The following REDIC1 variants were observed in gnomAD, a reference collection of about 807,000 sequenced individuals.
The protein encoded by REDIC1 is HEI10 Interacting Protein 1.
At chr12:39,865,856 A>G in the REDIC1 span, among the ~76,000 whole-genome samples, 1 of 152,200 alleles carries the variant, frequency 6.6e-6, no homozygotes, top group Non-Finnish European at 1.5e-5. Flanking sequence ...GAAGGGAACA[A>G]CAGACACCAG....
chr12:39,698,245 C>G, the REDIC1 span, among the ~76,000 whole-genome samples: 16 of 152,090 alleles, frequency 1.1e-4, no homozygotes, highest in Admixed American at 1.0e-3. Flanking sequence ...GGTAGTTAGG[C>G]CATGAGTGCT....
At chr12:39,761,442 C>G in the REDIC1 span, among the ~76,000 whole-genome samples, 1 of 151,968 alleles carries the variant, frequency 6.6e-6, no homozygotes, top group Non-Finnish European at 1.5e-5. Flanking sequence ...TGTTATCATG[C>G]CCATTAGAAT....
the REDIC1 span, among the ~76,000 whole-genome samples, chr12:39,711,660 T>C: frequency 7.1e-6 from 1 of 141,296 alleles, no homozygotes; most frequent in Non-Finnish European, 1.6e-5. Context: ...TGTATGTATG[T>C]CTATACACAT....
chr12:39,728,945 C>A, the REDIC1 span, among the ~76,000 whole-genome samples: 1 of 152,002 alleles, frequency 6.6e-6, no homozygotes, highest in Non-Finnish European at 1.5e-5. Context: ...GTTATATCTG[C>A]ATAGAGGTGT....
chr12:39,642,184 T>C, the REDIC1 span, among the ~76,000 whole-genome samples: 1 of 151,838 alleles, frequency 6.6e-6, no homozygotes, highest in Non-Finnish European at 1.5e-5. Context: ...CTTGTCAAGT[T>C]AATCAGTTAG....
chr12:39,654,488 T>A, the REDIC1 span, among the ~76,000 whole-genome samples: 1 of 151,924 alleles, frequency 6.6e-6, no homozygotes, highest in Non-Finnish European at 1.5e-5. Context: ...CTCGGGAGCC[T>A]GAGGCAGGAG....
chr12:39,672,055 G>T, the REDIC1 span, among the ~76,000 whole-genome samples: 1 of 152,014 alleles, frequency 6.6e-6, no homozygotes, highest in African/African-American at 2.4e-5. Flanking sequence ...CAGGACAAGC[G>T]CCAGGACTCT....
chr12:39,896,519 T>TGTACATGTTTGTAA, the REDIC1 span, among the ~76,000 whole-genome samples: 1 of 139,964 alleles, frequency 7.1e-6, no homozygotes, highest in Non-Finnish European at 1.6e-5. Context: ...CATGTGTGTA[T>TGTACATGTTTGTAA]ACATGTATAC....
At chr12:39,858,315 G>A in the REDIC1 span, among the ~76,000 whole-genome samples, 1 of 151,832 alleles carries the variant, frequency 6.6e-6, no homozygotes, top group East Asian at 1.9e-4. Context: ...ATCTCCAATG[G>A]GTCTGTAGAT....
chr12:39,810,040 G>T, the REDIC1 span, among the ~76,000 whole-genome samples: 408 of 152,176 alleles, frequency 2.7e-3, 2 homozygotes, highest in African/African-American at 8.8e-3. Context: ...GATGGCTGGG[G>T]CAAATGGTAT....
the REDIC1 span, among the ~76,000 whole-genome samples, chr12:39,662,959 T>C: frequency 2.0e-5 from 3 of 152,128 alleles, no homozygotes; most frequent in Non-Finnish European, 4.4e-5. Flanking sequence ...ACCATTCTTA[T>C]ATCCCTAGGA....
chr12:39,896,339 T>C, the REDIC1 span, among the ~76,000 whole-genome samples: 2 of 137,946 alleles, frequency 1.4e-5, no homozygotes, highest in East Asian at 2.4e-4. Context: ...TATATATGTA[T>C]ACATATATGT....
the REDIC1 span, among the ~76,000 whole-genome samples, chr12:39,835,024 GC>G: frequency 6.6e-6 from 1 of 151,974 alleles, no homozygotes; most frequent in Admixed American, 6.6e-5. Flanking sequence ...CTTGAACGTG[GC>G]CTGATGAATT....
the REDIC1 span, among the ~76,000 whole-genome samples, chr12:39,892,230 T>C: frequency 0.022 from 3,400 of 152,326 alleles, 128 homozygotes; most frequent in African/African-American, 0.078. Context: ...CTCTTACCCT[T>C]GTCTATCTCA....
At chr12:39,812,561 C>T in the REDIC1 span, among the ~76,000 whole-genome samples, 1 of 151,778 alleles carries the variant, frequency 6.6e-6, no homozygotes, top group Non-Finnish European at 1.5e-5. Flanking sequence ...CAACCTCCGC[C>T]TCTGAGATTC....
chr12:39,667,083 C>G, the REDIC1 span, among the ~76,000 whole-genome samples: 1 of 152,060 alleles, frequency 6.6e-6, no homozygotes, highest in African/African-American at 2.4e-5. Flanking sequence ...CTGCTCTGAT[C>G]TTACTTATTT....
chr12:39,678,259 TA>T, the REDIC1 span, among the ~76,000 whole-genome samples: 1 of 152,078 alleles, frequency 6.6e-6, no homozygotes, highest in South Asian at 2.1e-4. Flanking sequence ...GGAGATATTA[TA>T]ACTGATACTA....
At chr12:39,632,853 T>C in the REDIC1 span, among the ~76,000 whole-genome samples, 5 of 152,146 alleles carry the variant, frequency 3.3e-5, no homozygotes, top group Admixed American at 6.6e-5. Context: ...AAAAATACCA[T>C]ATAAAACATG....
At chr12:39,685,532 G>A in the REDIC1 span, among the ~76,000 whole-genome samples, 1 of 152,048 alleles carries the variant, frequency 6.6e-6, no homozygotes, top group African/African-American at 2.4e-5. Flanking sequence ...CCACTGCCCT[G>A]CTATGATCCA....
Sources: allele counts gnomAD v4.1 joint callset (sites outside exome capture counted in the v4.1 genomes callset), GRCh38; gene constraint gnomAD v4.1.1; transcripts MANE v1.5; gene names NCBI Gene and HGNC (gene_info 2026-07-23, HGNC 2026-07-21).